Variants in CPED1 observed in about 807,000 individuals in gnomAD.
The protein encoded by CPED1 is cadherin-like and PC-esterase domain-containing protein 1.
CPED1 carries 114 observed loss-of-function variants against 128.2 expected under a neutral mutation model. That is an observed-to-expected ratio of 0.89 (90% confidence interval 0.76 to 1.04). The LOEUF (loss-of-function observed/expected upper bound fraction) is 1.04, where lower values mean the gene tolerates loss of function less well. CPED1 is among the 50% of genes least tolerant of loss of function. The pLI is 0.00. For synonymous variants in CPED1, 462 were observed against 426.7 expected (o/e 1.08, Z -1.02); for missense variants, 1,211 against 1,207.1 (o/e 1.00, Z -0.05).
intron 3 of CPED1, among the ~76,000 whole-genome samples, chr7:121,042,247 G>A (rs1793078208): frequency 1.3e-5 from 2 of 152,076 alleles, no homozygotes; most frequent in South Asian, 4.2e-4. Flanking sequence ...TTTTATATAG[G>A]AAGATTTAAC....
intron 18 of CPED1, among the ~76,000 whole-genome samples, chr7:121,244,910 C>A (rs1798489566): frequency 6.6e-6 from 1 of 152,180 alleles, no homozygotes; most frequent in African/African-American, 2.4e-5. Context: ...CTGGGACATG[C>A]AGTGTCTTCT....
intron 16 of CPED1, among the ~76,000 whole-genome samples, chr7:121,151,246 T>C (rs545814020): frequency 7.0e-4 from 106 of 152,268 alleles, no homozygotes; most frequent in Non-Finnish European, 1.3e-3. Flanking sequence ...TACGTATATA[T>C]GCCCAATGCC....
chr7:121,134,546 G>A (rs1795745170), intron 13 of CPED1, among the ~76,000 whole-genome samples: 1 of 151,988 alleles, frequency 6.6e-6, no homozygotes, highest in Non-Finnish European at 1.5e-5. Context: ...GATGACTATT[G>A]TTAACCAATA....
intron 2 of CPED1, among the ~76,000 whole-genome samples, chr7:121,014,607 C>A (rs967934000): frequency 2.0e-5 from 3 of 148,952 alleles, no homozygotes; most frequent in African/African-American, 4.9e-5. Context: ...AGAATTGATT[C>A]TATCAGTATG....
intron 12 of CPED1, 121 bp from the exon 13 acceptor site, chr7:121,133,702 G>A (rs748722667): frequency 1.8e-4 from 113 of 632,234 alleles, no homozygotes; most frequent in Non-Finnish European, 2.8e-4. Context: ...TGCAGAAAGC[G>A]TTTTTTTGTG....
rs6466765 is a variant in CPED1, at chr7:121,062,655, T to G, written c.541-1583T>G. 2.0e-5 allele frequency: 3 copies of G among 151,496 alleles called. No homozygotes were observed. The Admixed American group carries it at 2.0e-4, about 10-fold the overall frequency. 9.4% of individuals were successfully genotyped at this position (151,496 alleles called of 1,614,324 possible). A position where few individuals can be genotyped will look rare whatever the true frequency, so the allele number is the denominator to read the frequency against. ...TTTCTCAATTCTTAGTGCAAATGAATGTCAGTGACGTCCACTTTGATATGT... is the reference window on the plus strand; with the variant it reads ...TTTCTCAATTCTTAGTGCAAATGAAGGTCAGTGACGTCCACTTTGATATGT... On this transcript the variant is annotated intron_variant, in intron 4 of 22. Coordinates refer to ENST00000310396, the MANE Select transcript of CPED1 (RefSeq NM_024913.5).
At chr7:121,024,775 T>A (rs1366943304) in intron 3 of CPED1, among the ~76,000 whole-genome samples, 1 of 152,180 alleles carries the variant, frequency 6.6e-6, no homozygotes, top group African/African-American at 2.4e-5. Context: ...AATGGCAGAT[T>A]TAATTTGTAA....
chr7:121,252,755 C>T (rs927388841), intron 18 of CPED1, among the ~76,000 whole-genome samples: 1 of 152,072 alleles, frequency 6.6e-6, no homozygotes. Flanking sequence ...AAATCAAAAC[C>T]ACAGTGAGAT....
At chr7:121,269,209 T>C (rs1046388839) in intron 21 of CPED1, among the ~76,000 whole-genome samples, 25 of 152,070 alleles carry the variant, frequency 1.6e-4, no homozygotes, top group Admixed American at 1.4e-3. Context: ...TCTATCTTTA[T>C]GCATATTCAA....
chr7:121,245,805 C>CT (rs1798514398), intron 18 of CPED1, among the ~76,000 whole-genome samples: 1 of 151,968 alleles, frequency 6.6e-6, no homozygotes, highest in African/African-American at 2.4e-5. Context: ...CGTCTCCTGC[C>CT]TCAGCCTCCC....
intron 16 of CPED1, among the ~76,000 whole-genome samples, chr7:121,212,050 A>C (rs1797656891): frequency 6.6e-6 from 1 of 152,040 alleles, no homozygotes; most frequent in African/African-American, 2.4e-5. Context: ...TTGCCTGGCA[A>C]AGATGATAGC....
rs142244341 is a variant in CPED1, at chr7:121,081,524, G to T, written c.617-16175G>T. Reference sequence around the variant, plus strand: ...ACTTCTCCTAGCACCATCTAATGGTGAAATATGGAACTTTCTCTTTTCTTC... The same window carrying T: ...ACTTCTCCTAGCACCATCTAATGGTTAAATATGGAACTTTCTCTTTTCTTC... On this transcript the variant is annotated intron_variant, in intron 5 of 22. Coordinates refer to ENST00000310396, the MANE Select transcript of CPED1 (RefSeq NM_024913.5). 9.8e-4 allele frequency among the ~76,000 whole-genome samples: 149 copies of T among 152,244 alleles called. 2 individuals are homozygous for T. Among genetic ancestry groups the T allele is most frequent in the African/African-American group, 3.4e-3 (143 of 41,542 alleles).
chr7:121,058,706 C>T (rs1051090395), intron 4 of CPED1, among the ~76,000 whole-genome samples: 1 of 152,122 alleles, frequency 6.6e-6, no homozygotes, highest in African/African-American at 2.4e-5. Context: ...TACAGCCTAA[C>T]CTAATGAGTA....
At chr7:121,060,137 T>C (rs1375922342) in intron 4 of CPED1, among the ~76,000 whole-genome samples, 2 of 152,198 alleles carry the variant, frequency 1.3e-5, no homozygotes, top group Non-Finnish European at 2.9e-5. Context: ...GAGGGTGTGC[T>C]GGGTCCCCCA....
intron 17 of CPED1, among the ~76,000 whole-genome samples, chr7:121,241,871 A>G (rs981304274): frequency 1.3e-5 from 2 of 152,330 alleles, no homozygotes; most frequent in East Asian, 3.9e-4. Flanking sequence ...TTTAATCATG[A>G]AAAGATTAAG....
chr7:121,060,324 G>A lies in CPED1; in HGVS notation c.541-3914G>A, dbSNP rs905040294. On this transcript the variant is annotated intron_variant, in intron 4 of 22. Coordinates refer to ENST00000310396, the MANE Select transcript of CPED1 (RefSeq NM_024913.5). Reference sequence around the variant, plus strand: ...CACCCAAGGGCTGAGGAGTGCGGGCGCACGGCGCGGGACTGGCAGGCAGCT... The same window carrying A: ...CACCCAAGGGCTGAGGAGTGCGGGCACACGGCGCGGGACTGGCAGGCAGCT... 1.4e-4 allele frequency among the ~76,000 whole-genome samples: 22 copies of A among 152,366 alleles called. 1 individual carries two copies. Among genetic ancestry groups the A allele is most frequent in the Middle Eastern group, 6.8e-3 (2 of 294 alleles).
intron 16 of CPED1, among the ~76,000 whole-genome samples, chr7:121,226,171 A>T (rs1441710173): frequency 6.6e-6 from 1 of 151,920 alleles, no homozygotes; most frequent in Non-Finnish European, 1.5e-5. Flanking sequence ...TTCGGTGTGG[A>T]TGTCCTTTTT....
At chr7:121,162,823 T>C (rs1221521817) in intron 16 of CPED1, among the ~76,000 whole-genome samples, 1 of 152,206 alleles carries the variant, frequency 6.6e-6, no homozygotes, top group East Asian at 1.9e-4. Context: ...AAACCTCACA[T>C]CACTTTCCTG....
At chr7:120,996,283 C>CAA (rs540959636) in intron 2 of CPED1, among the ~76,000 whole-genome samples, 1 of 146,140 alleles carries the variant, frequency 6.8e-6, no homozygotes, top group Non-Finnish European at 1.5e-5. Context: ...GCTCCTGTCT[C>CAA]AAAAAAAAAA....
Sources: allele counts gnomAD v4.1 joint callset (sites outside exome capture counted in the v4.1 genomes callset), GRCh38; gene constraint gnomAD v4.1.1; transcripts MANE v1.5; gene names NCBI Gene and HGNC (gene_info 2026-07-23, HGNC 2026-07-21).